ESRRB: variants seen among roughly 807,000 people sequenced by gnomAD.
ESRRB encodes the protein steroid hormone receptor ERR2.
ESRRB carries 16 observed loss-of-function variants against 46.0 expected under a neutral mutation model. The ratio of observed to expected loss-of-function variants is 0.35; its 90% CI spans 0.24 to 0.53. ESRRB has a LOEUF of 0.53. Among genes scored for constraint, ESRRB ranks in the 20% least tolerant of loss-of-function variants. The pLI, the probability that ESRRB is intolerant of heterozygous loss-of-function variation, is 0.93. For missense variants in ESRRB, 488 were observed against 607.4 expected (o/e 0.80, Z 2.07); for synonymous variants, 246 against 259.6 (o/e 0.95, Z 0.50).
At chr14:76,386,292 C>T (rs1422563046) in intron 1 of ESRRB, among the ~76,000 whole-genome samples, 1 of 152,008 alleles carries the variant, frequency 6.6e-6, no homozygotes, top group Non-Finnish European at 1.5e-5. Context: ...ATGTGAGTAT[C>T]TTTTTTTGTA....
intron 1 of ESRRB, among the ~76,000 whole-genome samples, chr14:76,384,981 C>T (rs539175223): frequency 6.6e-6 from 1 of 152,120 alleles, no homozygotes; most frequent in Non-Finnish European, 1.5e-5. Flanking sequence ...TGCTTCATGG[C>T]GACTCCCAGA....
intron 1 of ESRRB, among the ~76,000 whole-genome samples, chr14:76,421,136 G>A (rs1301504539): frequency 3.3e-5 from 5 of 152,290 alleles, no homozygotes; most frequent in South Asian, 2.1e-4. Context: ...GGATCCAGCC[G>A]GAGGAGGACA....
Position 76,439,665 on chromosome 14 carries a change from C to T in ESRRB, c.375C>T (p.Leu125=), listed in dbSNP as rs770677880. The stretch of plus-strand genomic sequence containing the variant: ...ACGCCATCCCCAAGCGCCTGTGCCT[C>T]GTGTGCGGGGACATTGCCTCTGGCT... The part of the protein sequence containing the change: ...MLNAIPKRLC[L]VCGDIASGYH... The change falls in exon 2 of 7, where the codon CTC becomes CTT. Residue 125 remains leucine (L), a synonymous_variant. Coordinates refer to ENST00000644823, the MANE Select transcript of ESRRB (RefSeq NM_001379180.1). The T allele has an allele frequency of 1.2e-6, 2 of 1,614,248 alleles. No homozygotes were observed. The highest frequency in any genetic ancestry group is 4.5e-5 in the East Asian group (2 of 44,886).
intron 1 of ESRRB, among the ~76,000 whole-genome samples, chr14:76,324,861 A>G (rs1373413789): frequency 6.6e-6 from 1 of 152,018 alleles, no homozygotes; most frequent in Non-Finnish European, 1.5e-5. Context: ...GCCTTCCTAC[A>G]GGGAAGTCTT....
At chr14:76,415,622 T>G (rs117093624) in intron 1 of ESRRB, among the ~76,000 whole-genome samples, 1,578 of 152,298 alleles carry the variant, frequency 0.01, 15 homozygotes, top group Non-Finnish European at 0.015. Flanking sequence ...ATCATGCTAC[T>G]GCACTCCAGA....
chr14:76,315,649 C>T (rs1015879155), intron 1 of ESRRB, among the ~76,000 whole-genome samples: 30 of 152,218 alleles, frequency 2.0e-4, no homozygotes, highest in African/African-American at 7.2e-4. Context: ...GCACGGAGCA[C>T]TCGCTTCTGC....
intron 1 of ESRRB, among the ~76,000 whole-genome samples, chr14:76,337,757 G>A (rs1335089907): frequency 6.6e-6 from 1 of 152,152 alleles, no homozygotes; most frequent in Non-Finnish European, 1.5e-5. Context: ...CTTGTTCTGA[G>A]GGGGACTGTG....
intron 2 of ESRRB, among the ~76,000 whole-genome samples, chr14:76,451,364 A>C (rs939169581): frequency 6.6e-6 from 1 of 152,232 alleles, no homozygotes; most frequent in African/African-American, 2.4e-5. Flanking sequence ...AAATGTTAAT[A>C]GTTCCTGCCC....
intron 3 of ESRRB, among the ~76,000 whole-genome samples, chr14:76,480,465 CA>C (rs1889764600): frequency 1.3e-5 from 2 of 152,194 alleles, no homozygotes; most frequent in African/African-American, 4.8e-5. Context: ...ATTCAGTAAA[CA>C]AAGTAATTTT....
chr14:76,410,491 A>G (rs536981143), intron 1 of ESRRB, among the ~76,000 whole-genome samples: 24 of 152,276 alleles, frequency 1.6e-4, no homozygotes, highest in South Asian at 8.3e-4. Context: ...AAAATTGTCC[A>G]TGTGCACTCA....
chr14:76,465,400 T>C lies in ESRRB; in HGVS notation c.577+2739T>C, dbSNP rs1889063027. 3.9e-5 allele frequency among the ~76,000 whole-genome samples: 6 copies of C among 152,146 alleles called. No individual in the cohort carries two copies. The South Asian group carries it at 1.2e-3, about 32-fold the overall frequency. ...GAGAGAAGGGCACTTTCTAGTGGCT[T>C]CCCAGAAAGCAGGAGATGGTGAAGG... On this transcript the variant is annotated intron_variant, in intron 3 of 6. Transcript: ENST00000644823.
chr14:76,379,487 A>G, intron 1 of ESRRB, among the ~76,000 whole-genome samples: 1 of 152,218 alleles, frequency 6.6e-6, no homozygotes, highest in East Asian at 1.9e-4. Context: ...GAGAAAAACA[A>G]AGGGGGAAAT....
chr14:76,466,475 G>A (rs1253805288), intron 3 of ESRRB, among the ~76,000 whole-genome samples: 3 of 152,040 alleles, frequency 2.0e-5, no homozygotes, highest in African/African-American at 4.8e-5. Flanking sequence ...GATTCCTCAC[G>A]TGGCTGGGGA....
chr14:76,421,487 G>A (rs528086623), intron 1 of ESRRB, among the ~76,000 whole-genome samples: 3 of 152,228 alleles, frequency 2.0e-5, no homozygotes, highest in African/African-American at 7.2e-5. Context: ...TTGTTATTCG[G>A]TTATATAATA....
chr14:76,376,394 C>G lies in ESRRB; in HGVS notation c.-8C>G. 8.1e-7 allele frequency: 1 copy of G among 1,231,686 alleles called. No individual in the cohort carries two copies. Among genetic ancestry groups the G allele is most frequent in the East Asian group, 3.2e-5 (1 of 31,684 alleles). The allele number at this position is 1,231,686 out of a possible 1,614,324, so 76.3% of individuals were successfully genotyped here. On this transcript the variant is annotated 5_prime_UTR_variant, in exon 1 of 7. Coordinates refer to ENST00000644823, the MANE Select transcript of ESRRB (RefSeq NM_001379180.1). This position sits in a 1 kb window ranked among gnomAD's most constrained non-coding sequence, Gnocchi z 4.1. ...TCTCTACCAACTGGGAATGCTAAAA[C>G]GGGACTGATGGACGTGTCCGAACTC...
rs2140065848 is a variant in ESRRB at position 76,499,206 on chromosome 14, G to A, written c.*748G>A. ...CTACCTCAGAGCTCACTCACCCAGT[G>A]GGTTCAGCCAGCCACAGCGACTCCA... On this transcript the variant is annotated 3_prime_UTR_variant, in exon 7 of 7. Coordinates refer to ENST00000644823, the MANE Select transcript of ESRRB (RefSeq NM_001379180.1). 2 of 268,558 alleles carry A rather than the reference G, an allele frequency of 7.4e-6. No individual in the cohort carries two copies. Among genetic ancestry groups the A allele is most frequent in the South Asian group, 4.1e-5 (1 of 24,216 alleles). 16.6% of individuals were successfully genotyped at this position (268,558 alleles called of 1,614,324 possible).
At chr14:76,415,486 C>G (rs1371040470) in intron 1 of ESRRB, among the ~76,000 whole-genome samples, 1 of 151,996 alleles carries the variant, frequency 6.6e-6, no homozygotes, top group African/African-American at 2.4e-5. Context: ...GTGGTAAAAC[C>G]CTGTCTCTAC....
At chr14:76,375,135 T>C (rs1884719126), upstream of ESRRB, among the ~76,000 whole-genome samples, 1 of 150,802 alleles carries the variant, frequency 6.6e-6, no homozygotes, top group Admixed American at 6.6e-5. Context: ...TTTTCCCCCC[T>C]TTTAAATAAT....
At chr14:76,496,832 G>C (rs1890450322) in intron 6 of ESRRB, among the ~76,000 whole-genome samples, 1 of 152,152 alleles carries the variant, frequency 6.6e-6, no homozygotes, top group Non-Finnish European at 1.5e-5. Context: ...CCCACACCAT[G>C]GCCCCCTGGG....
Sources: gnomAD v4.1 joint callset for allele counts (sites outside exome capture counted in the v4.1 genomes callset) on GRCh38, gnomAD v4.1.1 for gene constraint, Gnocchi (gnomAD v3.1) non-coding constraint, MANE v1.5 for transcripts, NCBI Gene and HGNC (gene_info 2026-07-23, HGNC 2026-07-21) for gene names.